CFAP43: variants seen among roughly 807,000 people sequenced by gnomAD.
CFAP43 encodes cilia and flagella associated protein 43.
A neutral mutation model predicts 218.9 loss-of-function variants in CFAP43; 155 were observed. That is an observed-to-expected ratio of 0.71 (90% CI 0.62 to 0.81). The LOEUF (loss-of-function observed/expected upper bound fraction) is 0.81, where lower values mean the gene tolerates loss of function less well. CFAP43 is among the 30% of genes least tolerant of loss of function. The pLI is 0.00. For missense variants in CFAP43, 1,778 were observed against 1,954.3 expected, an observed-to-expected ratio of 0.91 and a Z score of 1.70; for synonymous variants, 645 against 681.3, an observed-to-expected ratio of 0.95 and a Z score of 0.83.
Position 104,152,672 on chromosome 10 carries a change from C to T in CFAP43, c.3595G>A (p.Ala1199Thr), listed in dbSNP as rs1460045609. ...AGTCTTTTCAAATGTTCATCAAAGGCCTGTGTGCTTTCTTGAATAGAGTTT... is the reference window on the plus strand; with the variant it reads ...AGTCTTTTCAAATGTTCATCAAAGGTCTGTGTGCTTTCTTGAATAGAGTTT... ...LQNSIQESTQ[A>T]FDEHLKRLFE... The change falls in exon 28 of 38, where the codon GCC becomes ACC. Residue 1199 changes from alanine to threonine, a missense_variant. Physicochemically the swap from Ala to Thr is moderately conservative, Grantham distance 58. Coordinates refer to ENST00000357060, the MANE Select transcript of CFAP43 (RefSeq NM_025145.7). 2 of 1,613,590 alleles carry T rather than the reference C, an allele frequency of 1.2e-6. No individual in the cohort carries two copies. Among genetic ancestry groups the T allele is most frequent in the Non-Finnish European group, 1.7e-6 (2 of 1,179,832 alleles).
At chr10:104,160,471 C>T (rs955359343) in intron 27 of CFAP43, among the ~76,000 whole-genome samples, 2 of 152,224 alleles carry the variant, frequency 1.3e-5, no homozygotes, top group Admixed American at 6.5e-5. Context: ...ATTTACTTGA[C>T]TGCACATCAC....
At chr10:104,194,223 C>G (rs943786886) in intron 10 of CFAP43, among the ~76,000 whole-genome samples, 1 of 151,934 alleles carries the variant, frequency 6.6e-6, no homozygotes, top group African/African-American at 2.4e-5. Context: ...ATTCTTTTAT[C>G]CTAAAATTAG....
intron 34 of CFAP43, among the ~76,000 whole-genome samples, chr10:104,136,134 C>T (rs1261714664): frequency 6.6e-6 from 1 of 151,004 alleles, no homozygotes; most frequent in African/African-American, 2.4e-5. Flanking sequence ...CCTGTAAATC[C>T]CAGCTACTCA....
At chr10:104,165,627 T>G (rs2089114650) in intron 23 of CFAP43, among the ~76,000 whole-genome samples, 1 of 152,180 alleles carries the variant, frequency 6.6e-6, no homozygotes, top group Non-Finnish European at 1.5e-5. Context: ...TCTCAGTCAC[T>G]GCCTTTTCAA....
At chr10:104,190,999 A>G (rs2090192548) in intron 12 of CFAP43, among the ~76,000 whole-genome samples, 1 of 152,230 alleles carries the variant, frequency 6.6e-6, no homozygotes, top group Admixed American at 6.5e-5. Context: ...GAGGGCTTAG[A>G]ATACTGGCTA....
intron 3 of CFAP43, among the ~76,000 whole-genome samples, chr10:104,220,116 A>C (rs1362761158): frequency 6.6e-6 from 1 of 152,210 alleles, no homozygotes; most frequent in East Asian, 1.9e-4. Context: ...ACACACAGGG[A>C]GAATGCCATG....
chr10:104,187,528 A>G lies in CFAP43; in HGVS notation c.1688-36T>C, dbSNP rs768246756. On this transcript the variant is annotated intron_variant, in intron 13 of 37. Transcript: ENST00000357060. ...TGGAAAAAGAAGAGAAATCACTTGT[A>G]CCATAAATTAATTTTGTTTTTTTAA... The G allele has an allele frequency of 2.7e-6, 4 of 1,466,782 alleles. No homozygotes were observed. The South Asian group carries it at 6.0e-5, about 22-fold the overall frequency. 90.9% of individuals were successfully genotyped at this position (1,466,782 alleles called of 1,614,324 possible).
chr10:104,132,554 G>T, intron 35 of CFAP43: 1 of 732,670 alleles, frequency 1.4e-6, no homozygotes, highest in Non-Finnish European at 1.7e-6. Context: ...GGTGGAGGTT[G>T]TAGTGAGCGG....
intron 24 of CFAP43, among the ~76,000 whole-genome samples, chr10:104,162,880 C>T (rs2088953226): frequency 6.6e-6 from 1 of 151,990 alleles, no homozygotes; most frequent in African/African-American, 2.4e-5. Context: ...GCAGCCACTG[C>T]AAGGGGTGAG....
In CFAP43 at chr10:104,147,881, CTA is replaced by C. The variant is rs2088052952; in HGVS notation, c.3768+8_3768+9del. On this transcript the variant is annotated splice_region_variant and intron_variant, in intron 29 of 37. Coordinates refer to ENST00000357060, the MANE Select transcript of CFAP43 (RefSeq NM_025145.7). ...AATGCTTGTATTCAGATTTCAGACACTATTCTTACTTTCTCGTGCTGTTTCCT... is the reference window on the plus strand; with the variant it reads ...AATGCTTGTATTCAGATTTCAGACACTTCTTACTTTCTCGTGCTGTTTCCT... 1.9e-6 allele frequency: 3 copies of C among 1,567,868 alleles called. No homozygotes were observed. The highest frequency in any genetic ancestry group is 3.8e-5 in the Admixed American group (2 of 52,552).
chr10:104,152,703 T>C lies in CFAP43; in HGVS notation c.3564A>G (p.Lys1188=). ...TGCTTTCTTGAATAGAGTTTTGAAGTTTCTTCAGTTCTGCTTCTAATGACT... is the reference window on the plus strand; with the variant it reads ...TGCTTTCTTGAATAGAGTTTTGAAGCTTCTTCAGTTCTGCTTCTAATGACT... ...YRKSLEAELK[K]LQNSIQESTQ... Residue 1188 remains lysine, a synonymous_variant, in exon 28 of 38, where the codon AAA becomes AAG. Coordinates refer to ENST00000357060, the MANE Select transcript of CFAP43 (RefSeq NM_025145.7). 6.2e-7 allele frequency: 1 copy of C among 1,612,048 alleles called. No individual in the cohort carries two copies. The highest frequency in any genetic ancestry group is 8.5e-7 in the Non-Finnish European group (1 of 1,179,520).
At chr10:104,178,107 C>T (rs367584877) in intron 19 of CFAP43, among the ~76,000 whole-genome samples, 1 of 152,054 alleles carries the variant, frequency 6.6e-6, no homozygotes, top group Non-Finnish European at 1.5e-5. Flanking sequence ...GAATACACAC[C>T]AAGAAAACAA....
chr10:104,166,765 C>A, intron 22 of CFAP43, 47 bp from the exon 23 acceptor site: 3 of 1,489,428 alleles, frequency 2.0e-6, no homozygotes, highest in South Asian at 2.6e-5. Flanking sequence ...TAATAAGAAT[C>A]CTCTAAAGGG....
Position 104,168,764 on chromosome 10 carries a change from C to T in CFAP43, c.2671G>A (p.Val891Met), listed in dbSNP as rs746840575. ...GTTACCTTAAGAGCTCGACCTTTCA[C>T]AGCCATCGAATTCCAACATTCTTCT... The part of the protein sequence containing the change: ...IKEECWNSMA[V>M]KGRALKCFHI... The change falls in exon 21 of 38, where the codon GTG becomes ATG. Residue 891 changes from valine to methionine, a missense_variant. Transcript: ENST00000357060. 1.2e-6 allele frequency: 2 copies of T among 1,614,098 alleles called. No homozygotes were observed. Among genetic ancestry groups the T allele is most frequent in the Admixed American group, 3.3e-5 (2 of 60,028 alleles).
At chr10:104,167,496 AG>A (rs2134831671) in intron 22 of CFAP43, 124 bp downstream of exon 22, 1 of 619,772 alleles carries the variant, frequency 1.6e-6, no homozygotes, top group East Asian at 3.1e-5. Context: ...CAAATTAACA[AG>A]AAATAAAAAT....
intron 5 of CFAP43, among the ~76,000 whole-genome samples, chr10:104,210,328 G>A (rs1025391817): frequency 1.3e-5 from 2 of 152,306 alleles, no homozygotes; most frequent in Non-Finnish European, 2.9e-5. Flanking sequence ...AGAGATTTTT[G>A]AATGAACTAA....
In CFAP43 at chr10:104,229,766, A is replaced by G. The variant is rs111596171; in HGVS notation, c.319+824T>C. ...ATATTATATATTTTCATCTATCATC[A>G]TCACCGCAGCCTTCACATTAGACAC... On this transcript the variant is annotated intron_variant, in intron 2 of 37. Coordinates refer to ENST00000357060, the MANE Select transcript of CFAP43 (RefSeq NM_025145.7). 8.0e-3 allele frequency among the ~76,000 whole-genome samples: 1,213 copies of G among 152,308 alleles called. 12 individuals are homozygous for G. The highest frequency in any genetic ancestry group is 0.024 in the African/African-American group (1,008 of 41,556).
At chr10:104,225,206 CTCTA>C (rs1229348853) in intron 3 of CFAP43, among the ~76,000 whole-genome samples, 24 of 152,036 alleles carry the variant, frequency 1.6e-4, no homozygotes, top group African/African-American at 3.4e-4. Flanking sequence ...TAAATATATT[CTCTA>C]TCTGAGAATA....
intron 16 of CFAP43, among the ~76,000 whole-genome samples, chr10:104,184,216 G>T (rs1326073334): frequency 6.6e-6 from 1 of 152,122 alleles, no homozygotes; most frequent in Non-Finnish European, 1.5e-5. Flanking sequence ...TTCGTTTATA[G>T]TTTAACTTGG....
Sources: allele counts gnomAD v4.1 joint callset (sites outside exome capture counted in the v4.1 genomes callset), GRCh38; gene constraint gnomAD v4.1.1; transcripts MANE v1.5; gene names NCBI Gene and HGNC (gene_info 2026-07-23, HGNC 2026-07-21).